The following DNAH5 variants were observed in gnomAD, a reference collection of about 807,000 sequenced individuals.
DNAH5 encodes axonemal beta dynein heavy chain 5.
DNAH5 carries 372 observed loss-of-function variants against 518.2 expected under a neutral mutation model. The observed-to-expected ratio is 0.72, with a 90% CI of 0.66 to 0.78. DNAH5 has a LOEUF of 0.78. DNAH5 is among the 30% of genes least tolerant of loss of function. The probability of loss-of-function intolerance (pLI) is 0.00; values close to 1 mark genes in which losing one functional copy is unlikely to be tolerated. For synonymous variants in DNAH5, 2,039 were observed against 2,025.9 expected, an observed-to-expected ratio of 1.01 and a Z score of -0.17; for missense variants, 5,523 against 5,687.0, an observed-to-expected ratio of 0.97 and a Z score of 0.93.
At position 13,911,483 on chromosome 5, in the gene DNAH5, G is replaced by A. The variant is rs756613152; in HGVS notation, c.1547C>T (p.Ala516Val). ...ATTGTATTCCTTTTTCTTTATGGTT[G>A]CCACAATGCCCTGAAATATTATGAG... Reference protein sequence around the residue: ...DMATKYQGIVATIKKKEYNFL... With the variant: ...DMATKYQGIVVTIKKKEYNFL... Residue 516 changes from alanine (A) to valine (V), a missense_variant, in exon 12 of 79, where the codon GCA (alanine) becomes GTA (valine). By Grantham distance (64) the Ala-to-Val change is moderately conservative. Around this residue, in one of 3 missense-constraint regions of DNAH5, gnomAD observed 5,121 missense variants for 5,223.3 expected, o/e 0.98. Coordinates refer to ENST00000265104, the MANE Select transcript of DNAH5 (RefSeq NM_001369.3). 5 of 1,612,360 alleles carry A rather than the reference G, an allele frequency of 3.1e-6. No homozygotes were observed. In the African/African-American group the frequency reaches 6.7e-5, roughly 22 times the overall value.
In DNAH5 at chr5:13,707,379, G is replaced by A. The variant is rs1742933218; in HGVS notation, c.13338+744C>T. On this transcript the variant is annotated intron_variant, in intron 76 of 78. Transcript: ENST00000265104. This position sits in a 1 kb window ranked among gnomAD's most constrained non-coding sequence, Gnocchi z 4.0. ...CCAGTACACTAGAGCAAGAACCCAGGAAACAGAAAGCCCTCTGTCCTTGCG... is the reference window on the plus strand; with the variant it reads ...CCAGTACACTAGAGCAAGAACCCAGAAAACAGAAAGCCCTCTGTCCTTGCG... 1.3e-5 allele frequency among the ~76,000 whole-genome samples: 2 copies of A among 152,180 alleles called. No individual in the cohort carries two copies.
At chr5:13,930,936 T>G (rs1438160069) in intron 2 of DNAH5, among the ~76,000 whole-genome samples, 174 bp downstream of exon 2, 3 of 152,210 alleles carry the variant, frequency 2.0e-5, no homozygotes, top group African/African-American at 7.2e-5. Context: ...CATGGAGAGC[T>G]GGAGAGCCTT....
intron 63 of DNAH5, among the ~76,000 whole-genome samples, chr5:13,752,497 A>C (rs1336500715): frequency 1.3e-5 from 2 of 152,196 alleles, no homozygotes; most frequent in Non-Finnish European, 2.9e-5. Flanking sequence ...ATGCTTTCTG[A>C]TGGTTGAATG....
At chr5:13,866,070 A>C in intron 26 of DNAH5, 150 bp downstream of exon 26, 1 of 880,986 alleles carries the variant, frequency 1.1e-6, no homozygotes, top group Admixed American at 2.4e-5. Flanking sequence ...AACTACTTCT[A>C]ATTGTAATCC....
At chr5:13,934,984 CT>C (rs1233245761) in intron 1 of DNAH5, among the ~76,000 whole-genome samples, 3 of 152,174 alleles carry the variant, frequency 2.0e-5, no homozygotes, top group Non-Finnish European at 4.4e-5. Flanking sequence ...AAATAAAAGA[CT>C]TTTCTCTAAG....
chr5:13,785,684 C>A (rs180686980), intron 52 of DNAH5, among the ~76,000 whole-genome samples: 1 of 152,328 alleles, frequency 6.6e-6, no homozygotes, highest in East Asian at 1.9e-4. Flanking sequence ...CGTCTCTCCA[C>A]CCAACCCTGG....
At chr5:13,906,291 A>G (rs1678113652) in intron 12 of DNAH5, among the ~76,000 whole-genome samples, 1 of 152,138 alleles carries the variant, frequency 6.6e-6, no homozygotes, top group Admixed American at 6.5e-5. Flanking sequence ...AGGCTCATCG[A>G]TTGTAACAAA....
At chr5:13,834,311 T>A (rs1764084495) in intron 35 of DNAH5, among the ~76,000 whole-genome samples, 1 of 152,190 alleles carries the variant, frequency 6.6e-6, no homozygotes, top group Non-Finnish European at 1.5e-5. Flanking sequence ...GATACCTATA[T>A]GTGAAACTGA....
At chr5:13,861,952 CAAAAAAA>C (rs59674964) in intron 29 of DNAH5, among the ~76,000 whole-genome samples, 2 of 49,514 alleles carry the variant, frequency 4.0e-5, no homozygotes, top group African/African-American at 2.0e-4. Context: ...GATTCCATCT[CAAAAAAA>C]AAAAAAAAAA....
chr5:13,919,774 A>G (rs1777060374), intron 6 of DNAH5, among the ~76,000 whole-genome samples: 1 of 152,174 alleles, frequency 6.6e-6, no homozygotes, highest in Non-Finnish European at 1.5e-5. Context: ...CGTGTGGGTA[A>G]CATTTCAAGT....
chr5:13,757,267 T>G (rs1751129865), intron 61 of DNAH5, among the ~76,000 whole-genome samples: 1 of 152,228 alleles, frequency 6.6e-6, no homozygotes, highest in African/African-American at 2.4e-5. Context: ...TTTACGTCTT[T>G]GAGGAATTGC....
At chr5:13,952,713 C>G (rs978443572) in intron 1 of DNAH5, among the ~76,000 whole-genome samples, 6 of 152,212 alleles carry the variant, frequency 3.9e-5, no homozygotes, top group Non-Finnish European at 5.9e-5. Context: ...AGTTACTCCA[C>G]TATCAAGAAA....
intron 76 of DNAH5, among the ~76,000 whole-genome samples, chr5:13,702,994 C>G (rs1742323653): frequency 6.6e-6 from 1 of 152,152 alleles, no homozygotes; most frequent in African/African-American, 2.4e-5. Context: ...CAATCCCCCT[C>G]TGTCCTTGGC....
rs1780885384 is a variant in DNAH5 at position 13,958,053 on chromosome 5, G to T, written c.13-26809C>A. On this transcript the variant is annotated intron_variant, in intron 1 of 78. Coordinates refer to the DNAH5 transcript ENST00000681290. Reference sequence around the variant, plus strand: ...TATTATTGAATATTCTTCAAAATATGATCTAACGATTGCATAGCATATCAA... The same window carrying T: ...TATTATTGAATATTCTTCAAAATATTATCTAACGATTGCATAGCATATCAA... 5.9e-5 allele frequency among the ~76,000 whole-genome samples: 9 copies of T among 151,630 alleles called. No homozygotes were observed. In the South Asian group the frequency reaches 1.9e-3, roughly 31 times the overall value.
rs927664237 is a variant in DNAH5 at position 13,735,584 on chromosome 5, A to G, written c.11570+234T>C. ...TATCTTGGGAATTTTCTTGTTTAAC[A>G]GAAACATACGAAGCCAAAGGAATCA... On this transcript the variant is annotated intron_variant, in intron 67 of 78. Coordinates refer to ENST00000265104, the MANE Select transcript of DNAH5 (RefSeq NM_001369.3). Among the ~76,000 whole-genome samples, 4 of 152,232 alleles carry G rather than the reference A, an allele frequency of 2.6e-5. No homozygotes were observed. In the South Asian group the frequency reaches 8.3e-4, roughly 32 times the overall value.
chr5:13,888,787 G>A (rs184897065), intron 17 of DNAH5, among the ~76,000 whole-genome samples: 2 of 152,250 alleles, frequency 1.3e-5, no homozygotes, highest in African/African-American at 4.8e-5. Flanking sequence ...CATACTCTCT[G>A]ACACAATAAT....
At chr5:13,958,488 ATTTTATTT>A in intron 1 of DNAH5, among the ~76,000 whole-genome samples, 1 of 152,032 alleles carries the variant, frequency 6.6e-6, no homozygotes, top group African/African-American at 2.4e-5. Context: ...CTTTCCATTG[ATTTTATTT>A]TTAAGACTGG....
chr5:13,890,925 G>T (rs1773131820), intron 17 of DNAH5, 51 bp downstream of exon 17: 1 of 1,609,078 alleles, frequency 6.2e-7, no homozygotes. Flanking sequence ...ACCTTTATAG[G>T]AAAATGAATC....
In DNAH5 at chr5:13,969,984, A is replaced by C. The variant is rs1487007255; in HGVS notation, c.13-38740T>G. Among the ~76,000 whole-genome samples, 3 of 152,124 alleles carry C rather than the reference A, an allele frequency of 2.0e-5. No individual in the cohort carries two copies. The East Asian group carries it at 5.8e-4, about 29-fold the overall frequency. ...ATAAATTTGGGAGCTCCAGTGTTAG[A>C]TGCATATATATTTAAGATTGTGATA... On this transcript the variant is annotated intron_variant, in intron 1 of 78. Coordinates refer to the DNAH5 transcript ENST00000681290.
Sources: allele counts gnomAD v4.1 joint callset (sites outside exome capture counted in the v4.1 genomes callset), GRCh38; gene constraint gnomAD v4.1.1; regional missense constraint gnomAD v4.1.1; non-coding constraint Gnocchi (gnomAD v3.1); transcripts MANE v1.5; gene names NCBI Gene and HGNC (gene_info 2026-07-23, HGNC 2026-07-21).